The following ASAP1 variants were observed in gnomAD, a reference collection of about 807,000 sequenced individuals.
The protein encoded by ASAP1 is arf-GAP with SH3 domain, ANK repeat and PH domain-containing protein 1.
A neutral mutation model predicts 145.2 loss-of-function variants in ASAP1; 43 were observed. The ratio of observed to expected loss-of-function variants is 0.30; its 90% CI spans 0.23 to 0.38. The LOEUF (loss-of-function observed/expected upper bound fraction) is 0.38. Among genes scored for constraint, ASAP1 ranks in the 10% least tolerant of loss-of-function variants. The pLI is 1.00. For synonymous variants in ASAP1, 546 were observed against 515.5 expected (o/e 1.06, Z -0.80); for missense variants, 1,018 against 1,355.3 (o/e 0.75, Z 3.91).
At chr8:130,103,245 G>A (rs552687002) in intron 24 of ASAP1, among the ~76,000 whole-genome samples, 5 of 151,436 alleles carry the variant, frequency 3.3e-5, no homozygotes, top group South Asian at 2.1e-4. Flanking sequence ...GTATTTTTGT[G>A]GTATCAGCCT....
intron 3 of ASAP1, among the ~76,000 whole-genome samples, chr8:130,274,439 A>C (rs1246087921): frequency 6.6e-6 from 1 of 152,174 alleles, no homozygotes; most frequent in Non-Finnish European, 1.5e-5. Flanking sequence ...CTGGTAAAGA[A>C]CCAGGCTGAA....
intron 24 of ASAP1, among the ~76,000 whole-genome samples, chr8:130,099,172 C>T (rs1357692766): frequency 1.3e-5 from 2 of 151,498 alleles, no homozygotes; most frequent in African/African-American, 4.9e-5. Context: ...CGCCACCAGG[C>T]CTAGCTAATT....
intron 2 of ASAP1, among the ~76,000 whole-genome samples, chr8:130,393,033 T>G (rs191187883): frequency 6.6e-6 from 1 of 152,174 alleles, no homozygotes; most frequent in Non-Finnish European, 1.5e-5. Context: ...TTTTTTAACA[T>G]GACAGTTATA....
chr8:130,262,074 A>C (rs1475288179), intron 3 of ASAP1, among the ~76,000 whole-genome samples: 2 of 152,030 alleles, frequency 1.3e-5, no homozygotes, highest in African/African-American at 4.8e-5. Flanking sequence ...TATTTTATAC[A>C]TTGTCTTCAT....
At chr8:130,319,216 TTTATG>T (rs1417336943) in intron 3 of ASAP1, among the ~76,000 whole-genome samples, 1 of 152,196 alleles carries the variant, frequency 6.6e-6, no homozygotes, top group East Asian at 1.9e-4. Flanking sequence ...GGCACCCTCA[TTTATG>T]TTACTGTTGC....
intron 3 of ASAP1, among the ~76,000 whole-genome samples, chr8:130,309,646 G>A (rs80056438): frequency 0.027 from 4,160 of 152,224 alleles, 93 homozygotes; most frequent in Non-Finnish European, 0.039. Flanking sequence ...CTATGCAGAG[G>A]GTAGCACAAA....
chr8:130,114,380 T>C (rs1298624190), intron 23 of ASAP1, among the ~76,000 whole-genome samples: 7 of 152,122 alleles, frequency 4.6e-5, no homozygotes, highest in Non-Finnish European at 8.8e-5. Flanking sequence ...TATCTAAACA[T>C]AGAAGAGGTA....
At chr8:130,321,098 A>G (rs1048022933) in intron 3 of ASAP1, among the ~76,000 whole-genome samples, 6 of 152,198 alleles carry the variant, frequency 3.9e-5, no homozygotes, top group Non-Finnish European at 7.4e-5. Context: ...AATAAGTTTA[A>G]TCTTTGGCAT....
intron 2 of ASAP1, among the ~76,000 whole-genome samples, chr8:130,364,148 G>A (rs1404491267): frequency 4.6e-5 from 7 of 152,146 alleles, no homozygotes; most frequent in Admixed American, 4.6e-4. Context: ...TCTCAGTAAA[G>A]AGAAGAACAT....
At chr8:130,257,790 C>CT (rs943809388) in intron 3 of ASAP1, among the ~76,000 whole-genome samples, 1 of 142,924 alleles carries the variant, frequency 7.0e-6, no homozygotes, top group Admixed American at 7.0e-5. Flanking sequence ...AAGAGCACCC[C>CT]CCCCCCATTA....
At chr8:130,328,868 A>AAGCGTCCTACCTC (rs1485729482) in intron 3 of ASAP1, among the ~76,000 whole-genome samples, 1 of 152,110 alleles carries the variant, frequency 6.6e-6, no homozygotes, top group African/African-American at 2.4e-5. Context: ...GGCCTCAAGC[A>AAGCGTCCTACCTC]AGCCTCCTAC....
At chr8:130,322,913 T>C (rs1294502018) in intron 3 of ASAP1, among the ~76,000 whole-genome samples, 1 of 152,210 alleles carries the variant, frequency 6.6e-6, no homozygotes, top group African/African-American at 2.4e-5. Flanking sequence ...AGGAAGTCCA[T>C]GTGTCGGATG....
At chr8:130,256,984 A>G (rs968133420) in intron 3 of ASAP1, among the ~76,000 whole-genome samples, 2 of 151,600 alleles carry the variant, frequency 1.3e-5, no homozygotes, top group African/African-American at 2.4e-5. Context: ...AAGGTGGTAA[A>G]GAAGCATCAT....
At chr8:130,401,735 G>C (rs79924231) in intron 2 of ASAP1, 150 bp downstream of exon 2, 9 of 668,266 alleles carry the variant, frequency 1.3e-5, no homozygotes, top group Non-Finnish European at 2.3e-5. Flanking sequence ...AAATGCTAGA[G>C]ATCTGTTCTC....
chr8:130,105,078 TA>T (rs2097534777), intron 24 of ASAP1, among the ~76,000 whole-genome samples: 1 of 152,188 alleles, frequency 6.6e-6, no homozygotes, highest in Admixed American at 6.5e-5. Context: ...CATATATATT[TA>T]TTATGTATAA....
rs78271179 is a variant in ASAP1, at chr8:130,066,190, C to T, written c.2702-5121G>A. Among the ~76,000 whole-genome samples, 1,449 of 152,242 alleles carry T rather than the reference C, an allele frequency of 9.5e-3. 21 individuals carry two copies. The highest frequency in any genetic ancestry group is 0.032 in the African/African-American group (1,341 of 41,514). The stretch of plus-strand genomic sequence containing the variant: ...AATAAAATCTCCCCTTGCCCATATA[C>T]CAAATGTTATTAAGGACAGGTGTTG... On this transcript the variant is annotated intron_variant, in intron 27 of 29. Coordinates refer to ENST00000518721, the MANE Select transcript of ASAP1 (RefSeq NM_018482.4).
chr8:130,228,488 C>A (rs1817713906), intron 4 of ASAP1, among the ~76,000 whole-genome samples: 1 of 151,952 alleles, frequency 6.6e-6, no homozygotes, highest in Admixed American at 6.6e-5. Flanking sequence ...ATAGCTTGAG[C>A]CCAGGCGGTC....
At position 130,328,374 on chromosome 8, in the gene ASAP1, T is replaced by C. The variant is rs796590065; in HGVS notation, c.186+29643A>G. Among the ~76,000 whole-genome samples the C allele has an allele frequency of 3.9e-5, 6 of 152,246 alleles. No homozygotes were observed. In the South Asian group the frequency reaches 1.2e-3, roughly 31 times the overall value. ...GTGAAAGTGCAGGTGACAACCTTTA[T>C]ACTACTTTTGTTACAATAAACCTGT... On this transcript the variant is annotated intron_variant, in intron 3 of 29. Coordinates refer to ENST00000518721, the MANE Select transcript of ASAP1 (RefSeq NM_018482.4).
chr8:130,088,605 G>T (rs2097498936), intron 25 of ASAP1, among the ~76,000 whole-genome samples: 1 of 152,126 alleles, frequency 6.6e-6, no homozygotes, highest in African/African-American at 2.4e-5. Context: ...CCTCTGGAGG[G>T]AGCAAAACCC....
Sources: allele counts gnomAD v4.1 joint callset (sites outside exome capture counted in the v4.1 genomes callset), GRCh38; gene constraint gnomAD v4.1.1; transcripts MANE v1.5; gene names NCBI Gene and HGNC (gene_info 2026-07-23, HGNC 2026-07-21).